The following KIAA0825 variants were observed in gnomAD, a reference collection of about 807,000 sequenced individuals.
KIAA0825 encodes the protein uncharacterized protein KIAA0825.
KIAA0825 carries 119 observed loss-of-function variants against 147.6 expected under a neutral mutation model. The observed-to-expected ratio is 0.81, with a 90% CI of 0.69 to 0.94. The LOEUF is 0.94. Ranked by LOEUF, KIAA0825 falls within the 40% of genes least tolerant of loss-of-function variation. The probability of loss-of-function intolerance (pLI) is 0.00; values close to 1 mark genes in which losing one functional copy is unlikely to be tolerated. For synonymous variants in KIAA0825, 470 were observed against 518.1 expected (o/e 0.91, Z 1.26); for missense variants, 1,381 against 1,472.7 (o/e 0.94, Z 1.02).
intron 20 of KIAA0825, among the ~76,000 whole-genome samples, chr5:94,331,960 G>A (rs193014221): frequency 2.1e-3 from 326 of 151,804 alleles, no homozygotes; most frequent in Admixed American, 3.5e-3. Flanking sequence ...TCAGGAGTTC[G>A]AGACCAGCCT....
intron 20 of KIAA0825, among the ~76,000 whole-genome samples, chr5:94,279,065 G>A (rs1457233436): frequency 1.3e-5 from 2 of 152,022 alleles, no homozygotes; most frequent in African/African-American, 4.8e-5. Context: ...AAAGGCAGGT[G>A]TTGTAAAGCA....
intron 20 of KIAA0825, among the ~76,000 whole-genome samples, chr5:94,160,817 G>C (rs1767509752): frequency 6.6e-6 from 1 of 151,996 alleles, no homozygotes; most frequent in African/African-American, 2.4e-5. Context: ...TATTCTTCAA[G>C]AAAAATCCTT....
intron 1 of KIAA0825, among the ~76,000 whole-genome samples, chr5:94,616,957 G>A (rs1790681822): frequency 6.6e-6 from 1 of 152,074 alleles, no homozygotes; most frequent in African/African-American, 2.4e-5. Context: ...TTTAGAGTCA[G>A]GTAGACTGGA....
intron 20 of KIAA0825, among the ~76,000 whole-genome samples, chr5:94,246,379 C>T (rs1775612187): frequency 6.6e-6 from 1 of 152,010 alleles, no homozygotes; most frequent in Non-Finnish European, 1.5e-5. Context: ...TACTGATAAG[C>T]TTATGATAGG....
At chr5:94,237,068 T>C (rs917774711) in intron 20 of KIAA0825, among the ~76,000 whole-genome samples, 5 of 151,902 alleles carry the variant, frequency 3.3e-5, no homozygotes, top group African/African-American at 4.8e-5. Flanking sequence ...TGTGTGTGTG[T>C]GTGTCTGTGT....
chr5:94,317,319 C>T (rs1401625864), intron 20 of KIAA0825, among the ~76,000 whole-genome samples: 2 of 151,868 alleles, frequency 1.3e-5, no homozygotes, highest in Admixed American at 1.3e-4. Flanking sequence ...AAAGAAAGCC[C>T]TGCCTTTCAG....
At chr5:94,158,297 C>T (rs1472125096) in intron 20 of KIAA0825, among the ~76,000 whole-genome samples, 2 of 152,110 alleles carry the variant, frequency 1.3e-5, no homozygotes, top group African/African-American at 4.8e-5. Context: ...ACTGCATGTC[C>T]TGTAAAGCCT....
intron 20 of KIAA0825, among the ~76,000 whole-genome samples, chr5:94,326,368 A>C (rs988662061): frequency 5.3e-5 from 8 of 152,170 alleles, no homozygotes; most frequent in Admixed American, 3.9e-4. Context: ...GAGTTACGAA[A>C]GTTTATAAGT....
intron 20 of KIAA0825, among the ~76,000 whole-genome samples, chr5:94,259,456 T>A (rs1185697095): frequency 6.6e-6 from 1 of 152,016 alleles, no homozygotes; most frequent in Non-Finnish European, 1.5e-5. Flanking sequence ...AAACACACAG[T>A]GTATTGTGTA....
chr5:94,401,157 T>C (rs1337083577), intron 16 of KIAA0825, among the ~76,000 whole-genome samples: 1 of 152,122 alleles, frequency 6.6e-6, no homozygotes, highest in Middle Eastern at 3.2e-3. Context: ...AACTAGCTAA[T>C]ATCTTAAGGC....
intron 2 of KIAA0825, among the ~76,000 whole-genome samples, chr5:94,550,820 C>T (rs1431471781): frequency 5.5e-5 from 8 of 144,864 alleles, no homozygotes; most frequent in South Asian, 2.2e-4. Flanking sequence ...CCAGCCTGGG[C>T]GACAGAGCGA....
intron 20 of KIAA0825, among the ~76,000 whole-genome samples, chr5:94,283,645 A>C (rs892897645): frequency 6.6e-6 from 1 of 152,174 alleles, no homozygotes; most frequent in Admixed American, 6.6e-5. Flanking sequence ...ATTTTAGCTT[A>C]CATTTTAAAA....
At chr5:94,299,119 G>A (rs748707417) in intron 20 of KIAA0825, among the ~76,000 whole-genome samples, 6 of 152,024 alleles carry the variant, frequency 3.9e-5, no homozygotes, top group Non-Finnish European at 5.9e-5. Flanking sequence ...TGTTTTTTCC[G>A]TTTTAATAAA....
At chr5:94,400,549 C>T (rs1584381700) in intron 16 of KIAA0825, among the ~76,000 whole-genome samples, 1 of 151,986 alleles carries the variant, frequency 6.6e-6, no homozygotes, top group Non-Finnish European at 1.5e-5. Flanking sequence ...TTCATTGTTT[C>T]CATTAAGACA....
chr5:94,228,178 T>C (rs2150079010), intron 20 of KIAA0825, among the ~76,000 whole-genome samples: 1 of 152,330 alleles, frequency 6.6e-6, no homozygotes, highest in South Asian at 2.1e-4. Flanking sequence ...TCTTGCTTTT[T>C]TGGTAACTTA....
intron 6 of KIAA0825, among the ~76,000 whole-genome samples, chr5:94,482,354 C>A (rs1480747731): frequency 6.6e-6 from 1 of 152,058 alleles, no homozygotes; most frequent in Non-Finnish European, 1.5e-5. Context: ...AAAAAGTCCT[C>A]ATTTTTCATC....
At chr5:94,397,977 T>C (rs1156810119) in intron 16 of KIAA0825, among the ~76,000 whole-genome samples, 1 of 151,688 alleles carries the variant, frequency 6.6e-6, no homozygotes, top group Non-Finnish European at 1.5e-5. Context: ...TTCTTCCTTC[T>C]TTCCTTCCTC....
chr5:94,598,056 G>A (rs1474419077), intron 1 of KIAA0825, among the ~76,000 whole-genome samples: 1 of 151,972 alleles, frequency 6.6e-6, no homozygotes, highest in African/African-American at 2.4e-5. Flanking sequence ...GTACACTTAG[G>A]CTACACTATA....
rs62364564 is a variant in KIAA0825 at position 94,237,043 on chromosome 5, A to G, written c.3711-82919T>C. Among the ~76,000 whole-genome samples, 892 of 147,586 alleles carry G rather than the reference A, an allele frequency of 6.0e-3. 7 individuals are homozygous for G. The highest frequency in any genetic ancestry group is 7.3e-3 in the Non-Finnish European group (483 of 66,480). ...TCTGAAGTATGCCTAAATAGGCTATATGTGTGTGTGTGTGTGTGTGTGTGT... is the reference window on the plus strand; with the variant it reads ...TCTGAAGTATGCCTAAATAGGCTATGTGTGTGTGTGTGTGTGTGTGTGTGT... On this transcript the variant is annotated intron_variant, in intron 20 of 20. Coordinates refer to ENST00000682413, the MANE Select transcript of KIAA0825 (RefSeq NM_001145678.3).
Sources: allele counts gnomAD v4.1 joint callset (sites outside exome capture counted in the v4.1 genomes callset), GRCh38; gene constraint gnomAD v4.1.1; transcripts MANE v1.5; gene names NCBI Gene and HGNC (gene_info 2026-07-23, HGNC 2026-07-21).